Variants in TIMM17A observed in about 807,000 individuals in gnomAD.
TIMM17A encodes the protein translocase of inner mitochondrial membrane 17A.
A neutral mutation model predicts 26.5 loss-of-function variants in TIMM17A; 15 were observed. The ratio of observed to expected loss-of-function variants is 0.57; its 90% confidence interval spans 0.38 to 0.87. The LOEUF (loss-of-function observed/expected upper bound fraction) is 0.87, where lower values mean the gene tolerates loss of function less well. Ranked by LOEUF, TIMM17A falls within the 40% of genes least tolerant of loss-of-function variation. The pLI, the probability that TIMM17A is intolerant of heterozygous loss-of-function variation, is 0.00. For synonymous variants in TIMM17A, 80 were observed against 70.8 expected, an observed-to-expected ratio of 1.13 and a Z score of -0.66; for missense variants, 201 against 210.0, an observed-to-expected ratio of 0.96 and a Z score of 0.27.
chr1:201,969,423 A>G (rs1024287101), intron 5 of TIMM17A, 46 bp from the exon 6 acceptor site: 1 of 1,415,700 alleles, frequency 7.1e-7, no homozygotes, highest in Non-Finnish European at 9.9e-7. Flanking sequence ...TTTTAATAAT[A>G]TAATATTCAG....
At chr1:201,961,944 T>C (rs188823984) in intron 3 of TIMM17A, among the ~76,000 whole-genome samples, 238 of 152,106 alleles carry the variant, frequency 1.6e-3, no homozygotes, top group African/African-American at 5.4e-3. Context: ...ATCTCTCTCT[T>C]GCTTAGGCTC....
At chr1:201,960,532 A>T (rs1000892267) in intron 3 of TIMM17A, among the ~76,000 whole-genome samples, 1 of 152,190 alleles carries the variant, frequency 6.6e-6, no homozygotes, top group Non-Finnish European at 1.5e-5. Flanking sequence ...GAAATAGAGG[A>T]AGAGTGAGTG....
At position 201,965,398 on chromosome 1, in the gene TIMM17A, G is replaced by A. The variant is rs189914871; in HGVS notation, c.320-35G>A. On this transcript the variant is annotated intron_variant, in intron 4 of 5. Coordinates refer to ENST00000367287, the MANE Select transcript of TIMM17A (RefSeq NM_006335.3). ...ATCTCTTACAGTAAACTAGATTTCTGTAAAAAATAATCTCTTTGTTATTAA... is the reference window on the plus strand; with the variant it reads ...ATCTCTTACAGTAAACTAGATTTCTATAAAAAATAATCTCTTTGTTATTAA... 3.5e-6 allele frequency: 5 copies of A among 1,443,746 alleles called. No individual in the cohort carries two copies. The African/African-American group carries it at 5.6e-5, about 16-fold the overall frequency. The allele number at this position is 1,443,746 out of a possible 1,614,324, so 89.4% of individuals were successfully genotyped here.
At chr1:201,961,358 G>A (rs573279692) in intron 3 of TIMM17A, among the ~76,000 whole-genome samples, 9 of 151,034 alleles carry the variant, frequency 6.0e-5, no homozygotes, top group South Asian at 4.4e-4. Context: ...TGAGCCATCC[G>A]GCCCAGCCCA....
At chr1:201,961,920 T>C (rs1334743653) in intron 3 of TIMM17A, among the ~76,000 whole-genome samples, 3 of 151,950 alleles carry the variant, frequency 2.0e-5, no homozygotes, top group Non-Finnish European at 4.4e-5. Context: ...CATGCCAGGC[T>C]GCCTTCCTTG....
chr1:201,964,923 C>T (rs1342823772), intron 4 of TIMM17A, among the ~76,000 whole-genome samples: 5 of 150,062 alleles, frequency 3.3e-5, no homozygotes, highest in Non-Finnish European at 5.9e-5. Flanking sequence ...GTTGGGATTA[C>T]GGGCGTGAGC....
At position 201,965,471 on chromosome 1, in the gene TIMM17A, G is replaced by A. The variant is rs201143427; in HGVS notation, c.358G>A (p.Gly120Ser). 9.3e-6 allele frequency: 15 copies of A among 1,614,106 alleles called. No individual in the cohort carries two copies. The highest frequency in any genetic ancestry group is 2.2e-5 in the East Asian group (1 of 44,894). The change falls in exon 5 of 6, where the codon GGC (glycine) becomes AGC (serine). Residue 120 changes from glycine to serine, a missense_variant. Transcript: ENST00000367287. Reference protein sequence around the residue: ...VAMVGSAAMGGILLALIEGAG... With the variant: ...VAMVGSAAMGSILLALIEGAG... ...CATGGTTGGGTCAGCCGCAATGGGT[G>A]GCATTCTCCTAGCTTTAATTGAAGG...
At chr1:201,967,017 A>G (rs28607929) in intron 5 of TIMM17A, among the ~76,000 whole-genome samples, 56,576 of 106,646 alleles carry the variant, frequency 0.53, 11,632 homozygotes, top group Admixed American at 0.56. Flanking sequence ...GTGTGTGTGT[A>G]TATATATATA....
chr1:201,960,873 T>G (rs546249532), intron 3 of TIMM17A, among the ~76,000 whole-genome samples: 2 of 151,684 alleles, frequency 1.3e-5, no homozygotes, highest in East Asian at 3.9e-4. Flanking sequence ...CTCAGCCTCC[T>G]GAGTAGCTGG....
chr1:201,965,415 T>G lies in TIMM17A; in HGVS notation c.320-18T>G. ...AGATTTCTGTAAAAAATAATCTCTT[T>G]GTTATTAATGTCTTCAGATGGACCA... On this transcript the variant is annotated intron_variant, in intron 4 of 5. Coordinates refer to ENST00000367287, the MANE Select transcript of TIMM17A (RefSeq NM_006335.3). 1 of 1,526,690 alleles carries G rather than the reference T, an allele frequency of 6.6e-7. No individual in the cohort carries two copies. The highest frequency in any genetic ancestry group is 9.1e-7 in the Non-Finnish European group (1 of 1,100,082). The allele number at this position is 1,526,690 out of a possible 1,614,324, so 94.6% of individuals were successfully genotyped here.
In TIMM17A at chr1:201,957,268, C is replaced by G; in HGVS notation, c.27-13C>G. The G allele has an allele frequency of 6.5e-7, 1 of 1,540,494 alleles. No individual in the cohort carries two copies. Among genetic ancestry groups the G allele is most frequent in the Non-Finnish European group, 8.9e-7 (1 of 1,120,670 alleles). On this transcript the variant is annotated splice_polypyrimidine_tract_variant and intron_variant, in intron 1 of 5. Transcript: ENST00000367287. ...AATGAGAAATATGGTCTTTTTTTTCCCCCTGTTCTTAGCCCATGGCGAATT... is the reference window on the plus strand; with the variant it reads ...AATGAGAAATATGGTCTTTTTTTTCGCCCTGTTCTTAGCCCATGGCGAATT...
chr1:201,961,041 C>T (rs1054952623), intron 3 of TIMM17A, among the ~76,000 whole-genome samples: 3 of 151,286 alleles, frequency 2.0e-5, no homozygotes, highest in Non-Finnish European at 2.9e-5. Context: ...TGAGCCACCA[C>T]GCCCGGACTT....
At chr1:201,965,725 G>T (rs1381231094) in intron 5 of TIMM17A, among the ~76,000 whole-genome samples, 182 bp downstream of exon 5, 1 of 152,178 alleles carries the variant, frequency 6.6e-6, no homozygotes, top group Non-Finnish European at 1.5e-5. Context: ...AAAATTTTTT[G>T]TATAAATTTG....
chr1:201,965,387 AC>A (rs754259190), intron 4 of TIMM17A, 45 bp from the exon 5 acceptor site: 3 of 1,328,296 alleles, frequency 2.3e-6, no homozygotes, highest in Non-Finnish European at 3.3e-6. Context: ...CTTACAGTAA[AC>A]TAGATTTCTG....
At chr1:201,959,315 C>G (rs1682481838) in intron 3 of TIMM17A, among the ~76,000 whole-genome samples, 1 of 151,448 alleles carries the variant, frequency 6.6e-6, no homozygotes, top group African/African-American at 2.4e-5. Context: ...GAGATTGCAC[C>G]ACTGTACTCC....
At chr1:201,960,837 C>T (rs1682510067) in intron 3 of TIMM17A, among the ~76,000 whole-genome samples, 1 of 151,970 alleles carries the variant, frequency 6.6e-6, no homozygotes, top group Non-Finnish European at 1.5e-5. Context: ...CAACCTCCGC[C>T]TCCCAGGTTC....
In TIMM17A at chr1:201,955,558, C is replaced by T. The variant is rs750143420; in HGVS notation, c.26+6C>T. The T allele has an allele frequency of 4.3e-6, 7 of 1,614,140 alleles. No homozygotes were observed. The African/African-American group carries it at 8.0e-5, about 18-fold the overall frequency. ...GAGTACGCGCGAGAGCCTTGGTGAG[C>T]TTCACCGCTGTCTTTGCATTTCTCT... On this transcript the variant is annotated splice_donor_region_variant and intron_variant, in intron 1 of 5. Coordinates refer to ENST00000367287, the MANE Select transcript of TIMM17A (RefSeq NM_006335.3).
At chr1:201,958,118 C>T (rs1011372034) in intron 3 of TIMM17A, 3 of 152,754 alleles carry the variant, frequency 2.0e-5, no homozygotes, top group African/African-American at 4.9e-5. Flanking sequence ...TCCTGGGCAA[C>T]AAGAGCGAAA....
intron 3 of TIMM17A, among the ~76,000 whole-genome samples, chr1:201,960,833 C>T (rs1274260881): frequency 6.6e-6 from 1 of 151,876 alleles, no homozygotes; most frequent in Non-Finnish European, 1.5e-5. Context: ...ACTGCAACCT[C>T]CGCCTCCCAG....
Sources: gnomAD v4.1 joint callset for allele counts (sites outside exome capture counted in the v4.1 genomes callset) on GRCh38, gnomAD v4.1.1 for gene constraint, MANE v1.5 for transcripts, NCBI Gene and HGNC (gene_info 2026-07-23, HGNC 2026-07-21) for gene names.